Variants in GRIA3 observed in about 807,000 individuals in gnomAD.
The protein encoded by GRIA3 is glutamate ionotropic receptor AMPA type subunit 3, also known as glutamate receptor 3.
A neutral mutation model predicts 63.0 loss-of-function variants in GRIA3; 3 were observed. The ratio of observed to expected loss-of-function variants is 0.05; its 90% CI spans 0.02 to 0.12. GRIA3 has a LOEUF of 0.12. Among genes scored for constraint, GRIA3 ranks in the 10% least tolerant of loss-of-function variants. The pLI is 1.00. For missense variants in GRIA3, 347 were observed against 700.9 expected, an observed-to-expected ratio of 0.50 and a Z score of 5.70; for synonymous variants, 274 against 257.9, an observed-to-expected ratio of 1.06 and a Z score of -0.60.
intron 3 of GRIA3, among the ~76,000 whole-genome samples, chrX:123,268,984 G>T (rs775090529): frequency 8.9e-6 from 1 of 111,979 alleles, no homozygotes; most frequent in Admixed American, 9.5e-5. Flanking sequence ...ATTAAGATGC[G>T]GGAGGAAAGC....
chrX:123,411,609 C>A (rs773393372), intron 10 of GRIA3, among the ~76,000 whole-genome samples: 2 of 111,016 alleles, frequency 1.8e-5, no homozygotes, highest in Admixed American at 9.6e-5. Flanking sequence ...GATTATAAAT[C>A]CCCTCAAGCT....
chrX:123,284,949 T>C (rs945981990), intron 3 of GRIA3, among the ~76,000 whole-genome samples: 6 of 110,653 alleles, frequency 5.4e-5, no homozygotes, highest in African/African-American at 2.0e-4. Context: ...CACATAATCA[T>C]CAGATTCACC....
chrX:123,193,480 A>T (rs933771014), intron 2 of GRIA3, among the ~76,000 whole-genome samples: 1 of 112,094 alleles, frequency 8.9e-6, no homozygotes, highest in African/African-American at 3.3e-5. Context: ...CTGGTTCCCT[A>T]AGAGACTGAA....
intron 2 of GRIA3, among the ~76,000 whole-genome samples, chrX:123,251,625 G>A (rs1179651315): frequency 1.8e-5 from 2 of 110,965 alleles, no homozygotes; most frequent in Non-Finnish European, 3.8e-5. Context: ...TAGTAGAGAC[G>A]GGGTTTCACC....
rs150775916 is a variant in GRIA3, at chrX:123,387,595, G to A, written c.751-7373G>A. 2.0e-3 allele frequency among the ~76,000 whole-genome samples: 223 copies of A among 111,637 alleles called. 2 individuals are homozygous for A. Among genetic ancestry groups the A allele is most frequent in the African/African-American group, 7.0e-3 (215 of 30,756 alleles). The stretch of plus-strand genomic sequence containing the variant: ...TGTCATACATAGCCTTCATTATGTC[G>A]AGGTACAATCCTTCTATGCCTAGTT... On this transcript the variant is annotated intron_variant, in intron 5 of 15. Coordinates refer to ENST00000620443, the MANE Select transcript of GRIA3 (RefSeq NM_007325.5).
At chrX:123,286,315 T>C (rs886761610) in intron 3 of GRIA3, among the ~76,000 whole-genome samples, 10 of 111,103 alleles carry the variant, frequency 9.0e-5, no homozygotes, top group African/African-American at 2.6e-4. Flanking sequence ...ATCAGAAAGA[T>C]GGAAAGATCT....
chrX:123,270,745 T>A (rs776361054), intron 3 of GRIA3, among the ~76,000 whole-genome samples: 2 of 112,246 alleles, frequency 1.8e-5, no homozygotes, highest in Non-Finnish European at 3.8e-5. Context: ...GAAAATAAAA[T>A]GAGATACTGT....
At chrX:123,242,203 C>T (rs1377804230) in intron 2 of GRIA3, among the ~76,000 whole-genome samples, 3 of 111,875 alleles carry the variant, frequency 2.7e-5, no homozygotes, top group East Asian at 5.6e-4. Flanking sequence ...ATATTTTAAG[C>T]CTACAGAAAA....
chrX:123,486,442 C>A (rs1004843620), intron 15 of GRIA3, among the ~76,000 whole-genome samples: 5 of 111,837 alleles, frequency 4.5e-5, no homozygotes, highest in African/African-American at 1.6e-4. Flanking sequence ...TACCTAGCAC[C>A]TTGGCAACCA....
intron 3 of GRIA3, among the ~76,000 whole-genome samples, chrX:123,259,126 G>C (rs2044435537): frequency 8.9e-6 from 1 of 112,183 alleles, no homozygotes. Context: ...CCTGTGAAAA[G>C]ATTAAAGAGT....
chrX:123,328,908 A>G (rs1338455126), intron 4 of GRIA3, among the ~76,000 whole-genome samples: 1 of 112,408 alleles, frequency 8.9e-6, no homozygotes, highest in Admixed American at 9.4e-5. Context: ...ATCTAAATTA[A>G]GCAACAACTT....
chrX:123,463,597 AGGGAGGG>A (rs2045807751), intron 12 of GRIA3, among the ~76,000 whole-genome samples: 1 of 29,246 alleles, frequency 3.4e-5, no homozygotes, highest in Non-Finnish European at 5.5e-5. Flanking sequence ...GGAGGGAGGG[AGGGAGGG>A]AGGGAGGGAA....
At chrX:123,228,885 C>T (rs1286113318) in intron 2 of GRIA3, among the ~76,000 whole-genome samples, 1 of 111,735 alleles carries the variant, frequency 8.9e-6, no homozygotes, top group Admixed American at 9.4e-5. Context: ...CATAGGAGGG[C>T]AGTTCAACAC....
chrX:123,184,622 A>T lies in GRIA3; in HGVS notation c.87A>T (p.Gly29=), dbSNP rs765395672. The T allele has an allele frequency of 3.9e-5, 47 of 1,194,750 alleles. No individual in the cohort carries two copies. The South Asian group carries it at 7.5e-4, about 19-fold the overall frequency. ...GGCTTTTGGGTCATTCTCACGGAGG[A>T]TTCCCCAACACCATCAGCATAGGTA... ...VLGLLGHSHG[G]FPNTISIGGL... The change falls in exon 1 of 16, where the codon GGA becomes GGT. Residue 29 remains glycine, a synonymous_variant. Coordinates refer to ENST00000620443, the MANE Select transcript of GRIA3 (RefSeq NM_007325.5).
In GRIA3 at chrX:123,489,488, A is replaced by G. The variant is rs1406860725; in HGVS notation, c.*778A>G. 8.9e-6 allele frequency: 1 copy of G among 112,484 alleles called. No individual in the cohort carries two copies. Among genetic ancestry groups the G allele is most frequent in the East Asian group, 2.8e-4 (1 of 3,575 alleles). The allele number at this position is 112,484 out of a possible 1,213,427, so 9.3% of individuals were successfully genotyped here. On this transcript the variant is annotated 3_prime_UTR_variant, in exon 16 of 16. Transcript: ENST00000620443. Reference sequence around the variant, plus strand: ...TTCGAAATTGACTTTGTGTGTAGCAAGGGACGGGGCACTATCAGGATACCT... The same window carrying G: ...TTCGAAATTGACTTTGTGTGTAGCAGGGGACGGGGCACTATCAGGATACCT...
intron 3 of GRIA3, among the ~76,000 whole-genome samples, chrX:123,258,384 A>G (rs745550763): frequency 1.8e-5 from 2 of 112,603 alleles, no homozygotes; most frequent in Non-Finnish European, 3.8e-5. Flanking sequence ...CCATAATCCA[A>G]GGTGTAGCTT....
At position 123,278,278 on chromosome X, in the gene GRIA3, T is replaced by A. The variant is rs188803065; in HGVS notation, c.508+24736T>A. On this transcript the variant is annotated intron_variant, in intron 3 of 15. Transcript: ENST00000620443. ...ACAAGGACTATACCACCATTTGTTT[T>A]TATTGTCCTCAAAATAAGTCATTTA... is the stretch of plus-strand genomic sequence containing the variant. 9.5e-4 allele frequency among the ~76,000 whole-genome samples: 107 copies of A among 112,205 alleles called. 1 individual carries two copies. In the Middle Eastern group the frequency reaches 0.028, roughly 29 times the overall value.
rs774072980 is a variant in GRIA3 at position 123,185,729 on chromosome X, C to G, written c.110-103C>G. Reference sequence around the variant, plus strand: ...GAATATCAATCCTCAATCCCACACCCCAGTATCATTGAGAGGTATCCGGTA... The same window carrying G: ...GAATATCAATCCTCAATCCCACACCGCAGTATCATTGAGAGGTATCCGGTA... On this transcript the variant is annotated intron_variant, in intron 1 of 15. Transcript: ENST00000620443. The G allele has an allele frequency of 3.5e-5, 22 of 629,534 alleles. 1 individual carries two copies. In the East Asian group the frequency reaches 5.3e-4, roughly 15 times the overall value. The allele number at this position is 629,534 out of a possible 1,213,427, so 51.9% of individuals were successfully genotyped here.
At chrX:123,249,389 G>C (rs2044376903) in intron 2 of GRIA3, among the ~76,000 whole-genome samples, 1 of 111,839 alleles carries the variant, frequency 8.9e-6, no homozygotes, top group African/African-American at 3.3e-5. Flanking sequence ...AGACATTGTG[G>C]GTGGGTCAAC....
Sources: allele counts gnomAD v4.1 joint callset (sites outside exome capture counted in the v4.1 genomes callset), GRCh38; gene constraint gnomAD v4.1.1; transcripts MANE v1.5; gene names NCBI Gene and HGNC (gene_info 2026-07-23, HGNC 2026-07-21).